ERC1: variants seen among roughly 807,000 people sequenced by gnomAD.
The protein encoded by ERC1 is RAB6 interacting protein 2.
Under a neutral mutation model 132.0 loss-of-function variants are expected in ERC1, and 56 were observed. The observed-to-expected ratio is 0.42, with a 90% CI of 0.34 to 0.53. The LOEUF is 0.53. ERC1 is among the 20% of genes least tolerant of loss of function. The pLI is 0.03. For missense variants in ERC1, 1,202 were observed against 1,349.9 expected, an observed-to-expected ratio of 0.89 and a Z score of 1.72; for synonymous variants, 478 against 476.1, an observed-to-expected ratio of 1.00 and a Z score of -0.05.
chr12:1,379,022 T>A (rs1364705405), intron 16 of ERC1, among the ~76,000 whole-genome samples: 4 of 152,188 alleles, frequency 2.6e-5, no homozygotes, highest in Non-Finnish European at 5.9e-5. Context: ...GATATTTTGG[T>A]CTAATTTTTC....
At chr12:1,164,840 G>A (rs373712046) in intron 8 of ERC1, among the ~76,000 whole-genome samples, 6 of 152,024 alleles carry the variant, frequency 3.9e-5, no homozygotes, top group Admixed American at 6.6e-5. Context: ...TTTTTTGTGC[G>A]GTATGGCAAT....
chr12:1,144,729 G>A (rs1950194226), intron 8 of ERC1, among the ~76,000 whole-genome samples: 1 of 148,988 alleles, frequency 6.7e-6, no homozygotes, highest in African/African-American at 2.5e-5. Context: ...ATATTTTTTG[G>A]AATTGCGAAT....
chr12:1,065,691 G>C (rs1439081765), intron 2 of ERC1, among the ~76,000 whole-genome samples: 2 of 151,760 alleles, frequency 1.3e-5, no homozygotes, highest in Non-Finnish European at 2.9e-5. Context: ...TGTCTACTTT[G>C]GCATCTGTGC....
chr12:1,374,015 ATGCTG>A (rs1372782201), intron 16 of ERC1, among the ~76,000 whole-genome samples: 1 of 152,184 alleles, frequency 6.6e-6, no homozygotes, highest in Non-Finnish European at 1.5e-5. Context: ...GCGTATCTGG[ATGCTG>A]TGAGCAAGAA....
intron 8 of ERC1, among the ~76,000 whole-genome samples, chr12:1,169,732 T>C (rs2154265264): frequency 6.6e-6 from 1 of 152,354 alleles, no homozygotes; most frequent in East Asian, 1.9e-4. Flanking sequence ...CATCTCATCA[T>C]ATTTCCTTCA....
At position 1,083,273 on chromosome 12, in the gene ERC1, C is replaced by A. The variant is rs202219624; in HGVS notation, c.779C>A (p.Ala260Glu). The A allele has an allele frequency of 6.7e-5, 108 of 1,614,038 alleles. No homozygotes were observed. The highest frequency in any genetic ancestry group is 8.8e-5 in the Non-Finnish European group (104 of 1,180,032). ...AGCAGGACTGGCGAACCTTGTGTAG[C>A]AGAGCTGACAGAGGAGAACTTTCAG... ...SSSRTGEPCV[A>E]ELTEENFQRL... The change falls in exon 3 of 19, where the codon GCA becomes GAA. Residue 260 changes from alanine (A) to glutamate (E), a missense_variant. Physicochemically the swap from Ala to Glu is moderately radical, Grantham distance 107 (BLOSUM62 -1). Coordinates refer to ENST00000360905, the MANE Select transcript of ERC1 (RefSeq NM_178040.4).
intron 8 of ERC1, among the ~76,000 whole-genome samples, chr12:1,150,975 T>C (rs982061319): frequency 2.0e-5 from 3 of 152,258 alleles, no homozygotes; most frequent in African/African-American, 7.2e-5. Context: ...TGATTAATTA[T>C]GACAAATGTG....
intron 8 of ERC1, among the ~76,000 whole-genome samples, chr12:1,172,836 G>A (rs1029042292): frequency 5.9e-5 from 9 of 152,156 alleles, no homozygotes; most frequent in African/African-American, 1.7e-4. Context: ...GGTCCTCCTT[G>A]GTCCGTCTGT....
intron 12 of ERC1, among the ~76,000 whole-genome samples, chr12:1,190,696 GC>G (rs1283813458): frequency 6.6e-6 from 1 of 152,036 alleles, no homozygotes; most frequent in African/African-American, 2.4e-5. Context: ...ATTATTTTAT[GC>G]TAAAGGTCAA....
intron 17 of ERC1, among the ~76,000 whole-genome samples, chr12:1,415,916 G>C (rs1238255488): frequency 1.3e-5 from 2 of 152,174 alleles, no homozygotes; most frequent in African/African-American, 4.8e-5. Context: ...ATTTACTATA[G>C]GTCCAGCACT....
Position 1,495,260 on chromosome 12 carries a change from C to T in ERC1, c.*5030C>T, listed in dbSNP as rs1488049460. On this transcript the variant is annotated 3_prime_UTR_variant, in exon 19 of 19. Coordinates refer to ENST00000360905, the MANE Select transcript of ERC1 (RefSeq NM_178040.4). ...CGGGTGAGCACTGGCCAGCCTGGAGCCTGCAATCCAGGTGGAACAGACTGT... is the reference window on the plus strand; with the variant it reads ...CGGGTGAGCACTGGCCAGCCTGGAGTCTGCAATCCAGGTGGAACAGACTGT... 1.3e-5 allele frequency: 3 copies of T among 230,492 alleles called. No individual in the cohort carries two copies. Among genetic ancestry groups the T allele is most frequent in the Non-Finnish European group, 1.7e-5 (2 of 116,210 alleles). 14.3% of individuals were successfully genotyped at this position (230,492 alleles called of 1,614,324 possible). A position where few individuals can be genotyped will look rare whatever the true frequency, so the allele number is the denominator to read the frequency against.
chr12:1,253,196 C>T (rs2076571751), intron 13 of ERC1, among the ~76,000 whole-genome samples: 1 of 152,162 alleles, frequency 6.6e-6, no homozygotes, highest in African/African-American at 2.4e-5. Context: ...AATTGGCCTT[C>T]TTTCTGCTGC....
chr12:1,093,025 A>G (rs1943451528), intron 3 of ERC1, among the ~76,000 whole-genome samples: 1 of 152,172 alleles, frequency 6.6e-6, no homozygotes, highest in Non-Finnish European at 1.5e-5. Flanking sequence ...AGGCATTTCC[A>G]CTATTTCTTT....
At chr12:1,330,256 C>G (rs1382120976) in intron 15 of ERC1, among the ~76,000 whole-genome samples, 1 of 152,218 alleles carries the variant, frequency 6.6e-6, no homozygotes. Flanking sequence ...TCCACATCCT[C>G]GAGTGAGTGA....
intron 1 of ERC1, among the ~76,000 whole-genome samples, chr12:999,585 A>G (rs1173902169): frequency 6.7e-6 from 1 of 149,188 alleles, no homozygotes; most frequent in African/African-American, 2.5e-5. Context: ...GCCAGGTTGC[A>G]AGCATTGAAC....
chr12:1,323,020 T>A (rs1355563562), intron 15 of ERC1, among the ~76,000 whole-genome samples: 1 of 152,194 alleles, frequency 6.6e-6, no homozygotes, highest in Non-Finnish European at 1.5e-5. Context: ...TCATCTCTCT[T>A]CTTATTGCCA....
intron 12 of ERC1, among the ~76,000 whole-genome samples, chr12:1,215,732 G>A (rs1269484018): frequency 6.6e-6 from 1 of 152,034 alleles, no homozygotes; most frequent in Non-Finnish European, 1.5e-5. Flanking sequence ...CAAAGACAGG[G>A]TAAGGGAAAG....
chr12:1,227,051 G>T (rs764968301), intron 12 of ERC1, among the ~76,000 whole-genome samples: 2 of 152,156 alleles, frequency 1.3e-5, no homozygotes, highest in Non-Finnish European at 2.9e-5. Context: ...TTCATCTGAT[G>T]CACACTTATG....
intron 8 of ERC1, among the ~76,000 whole-genome samples, chr12:1,175,963 A>G (rs758817560): frequency 6.6e-6 from 1 of 152,210 alleles, no homozygotes; most frequent in African/African-American, 2.4e-5. Flanking sequence ...GAGCCTGTCA[A>G]AGTTATCCGT....
Sources: allele counts gnomAD v4.1 joint callset (sites outside exome capture counted in the v4.1 genomes callset), GRCh38; gene constraint gnomAD v4.1.1; transcripts MANE v1.5; gene names NCBI Gene and HGNC (gene_info 2026-07-23, HGNC 2026-07-21).